Variants in CCDC66 observed in about 807,000 individuals in gnomAD.
CCDC66 encodes coiled-coil domain-containing protein 66.
Under a neutral mutation model 128.3 loss-of-function variants are expected in CCDC66, and 133 were observed. That is an observed-to-expected ratio of 1.04 (90% CI 0.90 to 1.20). The LOEUF (loss-of-function observed/expected upper bound fraction) is 1.20, where lower values mean the gene tolerates loss of function less well. CCDC66 is among the 50% of genes most tolerant of loss of function. The pLI is 0.00. For synonymous variants in CCDC66, 387 were observed against 357.0 expected, an observed-to-expected ratio of 1.08 and a Z score of -0.95; for missense variants, 1,126 against 1,075.5, an observed-to-expected ratio of 1.05 and a Z score of -0.66.
chr3:56,619,712 A>G, intron 16 of CCDC66, 65 bp from the exon 17 acceptor site: 5 of 1,574,742 alleles, frequency 3.2e-6, no homozygotes, highest in Non-Finnish European at 4.3e-6. Flanking sequence ...ACAATATTAT[A>G]TAGCACAGGG....
Position 56,619,525 on chromosome 3 carries a change from A to G in CCDC66, c.2633A>G (p.Gln878Arg), listed in dbSNP as rs1407171952. 2 of 1,602,772 alleles carry G rather than the reference A, an allele frequency of 1.2e-6. No homozygotes were observed. Among genetic ancestry groups the G allele is most frequent in the Non-Finnish European group, 1.7e-6 (2 of 1,175,878 alleles). The change falls in exon 16 of 18, where the codon CAA becomes CGA. Residue 878 changes from glutamine (Q) to arginine (R), a missense_variant and splice_region_variant. Physicochemically the swap from Gln to Arg is conservative, Grantham distance 43. Coordinates refer to ENST00000394672, the MANE Select transcript of CCDC66 (RefSeq NM_001141947.3). ...CAGGACCCTCAGTACCAAAATTCACAAGGTAAGTAAATATTAAGCATTCTA... is the reference window on the plus strand; with the variant it reads ...CAGGACCCTCAGTACCAAAATTCACGAGGTAAGTAAATATTAAGCATTCTA... The part of the protein sequence containing the change: ...STQDPQYQNS[Q>R]DCGQKRQLFD...
intron 3 of CCDC66, among the ~76,000 whole-genome samples, chr3:56,562,390 G>C (rs191739499): frequency 2.0e-3 from 305 of 152,176 alleles, no homozygotes; most frequent in Non-Finnish European, 3.2e-3. Context: ...TGGTAATGAA[G>C]TAAACTTGGT....
chr3:56,559,450 C>A (rs543162384), intron 2 of CCDC66, 119 bp from the exon 3 acceptor site: 8 of 628,058 alleles, frequency 1.3e-5, no homozygotes, highest in African/African-American at 1.2e-4. Context: ...AAAGTTTATG[C>A]TTTCGAGGAT....
intron 10 of CCDC66, among the ~76,000 whole-genome samples, chr3:56,597,613 TA>T (rs2072241685): frequency 6.6e-6 from 1 of 151,904 alleles, no homozygotes; most frequent in South Asian, 2.1e-4. Flanking sequence ...TATTCCTAGA[TA>T]TTTTATTGTT....
intron 10 of CCDC66, among the ~76,000 whole-genome samples, chr3:56,596,757 A>T (rs774183301): frequency 8.8e-6 from 1 of 113,514 alleles, no homozygotes; most frequent in Non-Finnish European, 1.7e-5. Flanking sequence ...ATCCATCTTG[A>T]ATTTTTTTTT....
At chr3:56,605,430 C>G (rs9841851) in intron 10 of CCDC66, among the ~76,000 whole-genome samples, 125,644 of 151,972 alleles carry the variant, frequency 0.83, 52,708 homozygotes, top group Non-Finnish European at 0.91. Flanking sequence ...GGTCTTTGAT[C>G]TTGGTGACCT....
In CCDC66 at chr3:56,619,506, C is replaced by T. The variant is rs777631720; in HGVS notation, c.2614C>T (p.Pro872Ser). 1 of 1,609,410 alleles carries T rather than the reference C, an allele frequency of 6.2e-7. No homozygotes were observed. The highest frequency in any genetic ancestry group is 1.1e-5 in the South Asian group (1 of 89,850). Residue 872 changes from proline (P) to serine (S), a missense_variant, in exon 16 of 18, where the codon CCT becomes TCT. By Grantham distance (74) the Pro-to-Ser change is moderately conservative. Coordinates refer to ENST00000394672, the MANE Select transcript of CCDC66 (RefSeq NM_001141947.3). The stretch of plus-strand genomic sequence containing the variant: ...ATTGTCTGGGCCTTCAACCCAGGAC[C>T]CTCAGTACCAAAATTCACAAGGTAA... ...APLSGPSTQD[P>S]QYQNSQDCGQ... is the part of the protein sequence containing the mutation.
chr3:56,592,717 T>C (rs2071140437), intron 7 of CCDC66, among the ~76,000 whole-genome samples: 1 of 152,074 alleles, frequency 6.6e-6, no homozygotes, highest in Admixed American at 6.6e-5. Flanking sequence ...TGTTTTTCAT[T>C]AGAAAATTCC....
intron 7 of CCDC66, among the ~76,000 whole-genome samples, chr3:56,584,999 G>A (rs2069369249): frequency 6.6e-6 from 1 of 151,702 alleles, no homozygotes; most frequent in African/African-American, 2.4e-5. Context: ...GGCTGAGGCG[G>A]GAGAATCAGG....
chr3:56,589,300 C>G (rs2106867716), intron 7 of CCDC66, among the ~76,000 whole-genome samples: 1 of 152,208 alleles, frequency 6.6e-6, no homozygotes, highest in Admixed American at 6.5e-5. Flanking sequence ...GAGCTTATTA[C>G]TAAAAACCCA....
chr3:56,589,500 G>C (rs1477477237), intron 7 of CCDC66, among the ~76,000 whole-genome samples: 1 of 152,116 alleles, frequency 6.6e-6, no homozygotes, highest in Non-Finnish European at 1.5e-5. Flanking sequence ...AAATCATGAT[G>C]AGTTGGGTCT....
At chr3:56,565,762 G>A (rs1700171889) in intron 4 of CCDC66, among the ~76,000 whole-genome samples, 1 of 151,364 alleles carries the variant, frequency 6.6e-6, no homozygotes, top group South Asian at 2.1e-4. Flanking sequence ...CGCCTCCCAG[G>A]TTCACGCCAT....
chr3:56,602,468 T>C (rs1429763052), intron 10 of CCDC66, among the ~76,000 whole-genome samples: 2 of 152,184 alleles, frequency 1.3e-5, no homozygotes, highest in Non-Finnish European at 2.9e-5. Flanking sequence ...CAGGTTTTGG[T>C]ATCAGGATGA....
intron 17 of CCDC66, chr3:56,621,316 C>T: frequency 2.8e-6 from 1 of 355,496 alleles, no homozygotes. Context: ...AATTTTCATC[C>T]CTATTGATTT....
intron 10 of CCDC66, among the ~76,000 whole-genome samples, chr3:56,603,026 G>T (rs981783969): frequency 6.6e-6 from 1 of 151,478 alleles, no homozygotes; most frequent in Non-Finnish European, 1.5e-5. Flanking sequence ...TAGTAGAGAC[G>T]GGGTTTCACC....
intron 16 of CCDC66, 103 bp from the exon 17 acceptor site, chr3:56,619,673 AG>A (rs2076088755): frequency 6.7e-7 from 1 of 1,492,456 alleles, no homozygotes; most frequent in Non-Finnish European, 9.0e-7. Context: ...GTACTTTCCT[AG>A]GATACATACT....
intron 10 of CCDC66, among the ~76,000 whole-genome samples, chr3:56,602,021 A>G (rs902580489): frequency 6.6e-6 from 1 of 151,994 alleles, no homozygotes; most frequent in African/African-American, 2.4e-5. Context: ...ATAGGAGTGG[A>G]GAGAGAGGGC....
intron 7 of CCDC66, chr3:56,572,296 CAG>C: frequency 8.6e-7 from 1 of 1,160,638 alleles, no homozygotes; most frequent in Non-Finnish European, 1.1e-6. Flanking sequence ...GGTAAAGAAA[CAG>C]TGTCACTGTT....
At chr3:56,615,302 A>G (rs745574656) in intron 12 of CCDC66, 30 bp downstream of exon 12, 3 of 1,559,812 alleles carry the variant, frequency 1.9e-6, no homozygotes, top group African/African-American at 1.4e-5. Context: ...TTTATTTATA[A>G]TATTTTTAGA....
Sources: gnomAD v4.1 joint callset for allele counts (sites outside exome capture counted in the v4.1 genomes callset) on GRCh38, gnomAD v4.1.1 for gene constraint, MANE v1.5 for transcripts, NCBI Gene and HGNC (gene_info 2026-07-23, HGNC 2026-07-21) for gene names.